Variants in SULT4A1 observed in about 807,000 individuals in gnomAD.
The protein encoded by SULT4A1 is sulfotransferase family 4A member 1, also known as sulfotransferase 4A1.
A neutral mutation model predicts 35.2 loss-of-function variants in SULT4A1; 11 were observed. The observed-to-expected ratio is 0.31, with a 90% CI of 0.20 to 0.52. The LOEUF (loss-of-function observed/expected upper bound fraction) is 0.52, where lower values mean the gene tolerates loss of function less well. SULT4A1 is among the 20% of genes least tolerant of loss of function. The pLI is 0.97. For synonymous variants in SULT4A1, 152 were observed against 151.8 expected (o/e 1.00, Z -0.01); for missense variants, 271 against 383.7 (o/e 0.71, Z 2.45).
intron 3 of SULT4A1, among the ~76,000 whole-genome samples, 154 bp from the exon 4 acceptor site, chr22:43,839,147 G>C (rs750694415): frequency 3.9e-5 from 6 of 152,374 alleles, no homozygotes; most frequent in Admixed American, 6.5e-5. Context: ...CGGCTGCTGG[G>C]TGCTGCTGCT....
rs1045893919 is a variant in SULT4A1 at position 43,829,142 on chromosome 22, C to G, written c.660G>C (p.Lys220Asn). 3 of 1,562,660 alleles carry G rather than the reference C, an allele frequency of 1.9e-6. No homozygotes were observed. Among genetic ancestry groups the G allele is most frequent in the African/African-American group, 2.7e-5 (2 of 73,334 alleles). ...LARFLGVSCDKAQLEALTEHC... is the reference protein window; with the variant it reads ...LARFLGVSCDNAQLEALTEHC... ...GCTCCGTCAGGGCTTCCAGCTGGGCCTTGTCACAGGACACCCCCAGGAATC... is the reference window on the plus strand; with the variant it reads ...GCTCCGTCAGGGCTTCCAGCTGGGCGTTGTCACAGGACACCCCCAGGAATC... The change falls in exon 6 of 7, where the codon AAG (lysine) becomes AAC (asparagine). Residue 220 changes from lysine (K) to asparagine (N), a missense_variant. Transcript: ENST00000330884.
intron 1 of SULT4A1, among the ~76,000 whole-genome samples, chr22:43,855,323 A>G (rs2049390645): frequency 6.6e-6 from 1 of 152,182 alleles, no homozygotes; most frequent in Admixed American, 6.5e-5. Context: ...GGATAAAACA[A>G]AGTACTTGGC....
intron 1 of SULT4A1, 45 bp downstream of exon 1, chr22:43,862,169 A>G (rs748868421): frequency 1.6e-5 from 23 of 1,429,478 alleles, no homozygotes; most frequent in African/African-American, 6.0e-5. Flanking sequence ...GCCGCGCTGC[A>G]GGGCTGGGGC....
At chr22:43,827,315 A>T in intron 6 of SULT4A1, 1 of 985,464 alleles carries the variant, frequency 1.0e-6, no homozygotes, top group Non-Finnish European at 1.2e-6. Context: ...CTGAGCTAAA[A>T]TACCCAACGT....
intron 1 of SULT4A1, among the ~76,000 whole-genome samples, chr22:43,842,294 G>A (rs2063439132): frequency 6.6e-6 from 1 of 152,146 alleles, no homozygotes; most frequent in Non-Finnish European, 1.5e-5. Context: ...TGGGTCGGGG[G>A]AATGACCCGC....
Position 43,862,221 on chromosome 22 carries a change from G to A in SULT4A1, c.162C>T (p.Pro54=), listed in dbSNP as rs972386167. ...RPSDVWIVTY[P]KSGTSLLQEV... is the part of the protein sequence containing the mutation. ...GGTCGGCGCGGGGCTCACCGGACTT[G>A]GGGTAGGTGACGATCCACACGTCGC... Residue 54 remains proline (P), a synonymous_variant, in exon 1 of 7, where the codon CCC becomes CCT. Transcript: ENST00000330884. 31 of 1,554,840 alleles carry A rather than the reference G, an allele frequency of 2.0e-5. No homozygotes were observed. The highest frequency in any genetic ancestry group is 1.8e-4 in the Middle Eastern group (1 of 5,544).
intron 6 of SULT4A1, 182 bp downstream of exon 6, chr22:43,828,878 A>G: frequency 1.6e-6 from 1 of 611,796 alleles, no homozygotes; most frequent in South Asian, 2.5e-5. Flanking sequence ...CCGTCACTCC[A>G]TGAGCACTGT....
At chr22:43,861,867 A>G (rs1293095090) in intron 1 of SULT4A1, among the ~76,000 whole-genome samples, 1 of 152,254 alleles carries the variant, frequency 6.6e-6, no homozygotes, top group Non-Finnish European at 1.5e-5. Flanking sequence ...GACCTGTCCA[A>G]GGTCACACAG....
intron 1 of SULT4A1, among the ~76,000 whole-genome samples, chr22:43,858,130 C>T (rs1212469417): frequency 2.0e-5 from 3 of 151,670 alleles, no homozygotes; most frequent in Non-Finnish European, 2.9e-5. Context: ...TGACTCACAC[C>T]TGTAATCCCA....
intron 6 of SULT4A1, chr22:43,826,949 C>T (rs1045665352): frequency 9.1e-6 from 9 of 985,330 alleles, no homozygotes; most frequent in South Asian, 9.4e-5. Flanking sequence ...CACCGGTCTA[C>T]GCTGGTTTAT....
chr22:43,843,906 A>C (rs2063453770), intron 1 of SULT4A1, among the ~76,000 whole-genome samples: 1 of 152,234 alleles, frequency 6.6e-6, no homozygotes, highest in African/African-American at 2.4e-5. Context: ...TGGGTGAGAC[A>C]CACAGGCAAA....
In SULT4A1 at chr22:43,825,937, A is replaced by G; in HGVS notation, c.*64T>C. 6.7e-7 allele frequency: 1 copy of G among 1,487,792 alleles called. No individual in the cohort carries two copies. The highest frequency in any genetic ancestry group is 1.2e-5 in the South Asian group (1 of 84,524). The allele number at this position is 1,487,792 out of a possible 1,614,324, so 92.2% of individuals were successfully genotyped here. On this transcript the variant is annotated 3_prime_UTR_variant, in exon 7 of 7. Coordinates refer to ENST00000330884, the MANE Select transcript of SULT4A1 (RefSeq NM_014351.4). ...TGTCCAGCAAGGAATAAATGAATGC[A>G]TACAGGACTTTTGGCTAGTAGACTG...
At chr22:43,845,081 AGG>A (rs2063464744) in intron 1 of SULT4A1, among the ~76,000 whole-genome samples, 2 of 152,190 alleles carry the variant, frequency 1.3e-5, no homozygotes, top group Non-Finnish European at 2.9e-5. Flanking sequence ...AAACAGCTCC[AGG>A]TCCCCAGTGA....
chr22:43,831,066 C>T (rs972222042), intron 5 of SULT4A1, among the ~76,000 whole-genome samples: 2 of 152,190 alleles, frequency 1.3e-5, no homozygotes, highest in Non-Finnish European at 2.9e-5. Flanking sequence ...AAAATGAAGT[C>T]CCAGCACTGA....
intron 5 of SULT4A1, among the ~76,000 whole-genome samples, chr22:43,832,165 C>A (rs2063330031): frequency 6.6e-6 from 1 of 152,186 alleles, no homozygotes; most frequent in African/African-American, 2.4e-5. Context: ...TTGGGCTACA[C>A]CTTCATCTCT....
At chr22:43,841,744 T>C in intron 2 of SULT4A1, 58 bp downstream of exon 2, 2 of 1,581,834 alleles carry the variant, frequency 1.3e-6, no homozygotes, top group South Asian at 2.3e-5. Context: ...ATCATCAGGG[T>C]GTAACGGTAG....
chr22:43,857,741 C>T (rs1459140607), intron 1 of SULT4A1, among the ~76,000 whole-genome samples: 1 of 152,162 alleles, frequency 6.6e-6, no homozygotes, highest in African/African-American at 2.4e-5. Flanking sequence ...AACAAGCCAA[C>T]ATTTCAGCAG....
At chr22:43,850,718 C>G (rs1483505170) in intron 1 of SULT4A1, among the ~76,000 whole-genome samples, 1 of 152,184 alleles carries the variant, frequency 6.6e-6, no homozygotes, top group Non-Finnish European at 1.5e-5. Flanking sequence ...TGCAGGTGCC[C>G]GGGCTGCTTC....
intron 4 of SULT4A1, 75 bp from the exon 5 acceptor site, chr22:43,833,809 C>A: frequency 7.9e-7 from 1 of 1,264,062 alleles, no homozygotes; most frequent in Non-Finnish European, 1.1e-6. Flanking sequence ...CCCCACCCCA[C>A]AGGGCTGCCC....
Sources: gnomAD v4.1 joint callset for allele counts (sites outside exome capture counted in the v4.1 genomes callset) on GRCh38, gnomAD v4.1.1 for gene constraint, MANE v1.5 for transcripts, NCBI Gene and HGNC (gene_info 2026-07-23, HGNC 2026-07-21) for gene names.